GALNT18: variants seen among roughly 807,000 people sequenced by gnomAD.
GALNT18 encodes the protein polypeptide N-acetylgalactosaminyltransferase 18.
GALNT18 carries 44 observed loss-of-function variants against 69.5 expected under a neutral mutation model. The observed-to-expected ratio is 0.63, with a 90% confidence interval of 0.50 to 0.81. The LOEUF (loss-of-function observed/expected upper bound fraction) is 0.81, where lower values mean the gene tolerates loss of function less well. Among genes scored for constraint, GALNT18 ranks in the 40% least tolerant of loss-of-function variants. GALNT18 has a pLI of 0.00. For missense variants in GALNT18, 715 were observed against 810.0 expected (o/e 0.88, Z 1.42); for synonymous variants, 364 against 318.2 (o/e 1.14, Z -1.53).
At chr11:11,336,880 G>A (rs1050367556) in intron 7 of GALNT18, among the ~76,000 whole-genome samples, 1 of 152,142 alleles carries the variant, frequency 6.6e-6, no homozygotes, top group Non-Finnish European at 1.5e-5. Context: ...ACAAGTGTGA[G>A]GCACGGAAAG....
chr11:11,521,111 G>C (rs1449036591), intron 1 of GALNT18, among the ~76,000 whole-genome samples: 1 of 151,492 alleles, frequency 6.6e-6, no homozygotes, highest in South Asian at 2.1e-4. Flanking sequence ...GAAAGCTTTA[G>C]GAATCTCGTA....
chr11:11,364,190 T>C (rs1470612754), intron 6 of GALNT18, among the ~76,000 whole-genome samples: 1 of 152,182 alleles, frequency 6.6e-6, no homozygotes, highest in Non-Finnish European at 1.5e-5. Context: ...ATTGTAAATG[T>C]CTCTACAAGA....
At chr11:11,531,707 A>T (rs551275435) in intron 1 of GALNT18, among the ~76,000 whole-genome samples, 1 of 152,268 alleles carries the variant, frequency 6.6e-6, no homozygotes, top group Non-Finnish European at 1.5e-5. Flanking sequence ...TACCCTGGTA[A>T]CACTATTTCT....
intron 9 of GALNT18, among the ~76,000 whole-genome samples, chr11:11,298,277 A>G (rs1205508162): frequency 6.6e-6 from 1 of 152,228 alleles, no homozygotes; most frequent in Non-Finnish European, 1.5e-5. Context: ...AAACACACAT[A>G]GTTTTGTGCG....
At chr11:11,594,164 T>C (rs1254127357) in intron 1 of GALNT18, among the ~76,000 whole-genome samples, 1 of 152,366 alleles carries the variant, frequency 6.6e-6, no homozygotes, top group Non-Finnish European at 1.5e-5. Flanking sequence ...CCACAGTTCA[T>C]TGGTATCTGT....
chr11:11,471,864 G>C (rs1188240451), intron 1 of GALNT18, among the ~76,000 whole-genome samples: 3 of 152,182 alleles, frequency 2.0e-5, no homozygotes, highest in Non-Finnish European at 2.9e-5. Flanking sequence ...ATGTCTGTTT[G>C]ACAAATCAAA....
At position 11,327,104 on chromosome 11, in the gene GALNT18, G is replaced by A. The variant is rs1178218904; in HGVS notation, c.1494C>T (p.Cys498=). 4 of 1,613,154 alleles carry A rather than the reference G, an allele frequency of 2.5e-6. No individual in the cohort carries two copies. Among genetic ancestry groups the A allele is most frequent in the Non-Finnish European group, 3.4e-6 (4 of 1,179,152 alleles). ...GACTCACCTGAGGCGTCATCCCATGGCAGATGTACATGATGGGGACATTCT... is the reference window on the plus strand; with the variant it reads ...GACTCACCTGAGGCGTCATCCCATGACAGATGTACATGATGGGGACATTCT... The part of the protein sequence containing the change: ...DTENVPIMYI[C]HGMTPQNVYY... The change falls in exon 9 of 11, where the codon TGC becomes TGT. Residue 498 remains cysteine (C), a synonymous_variant. Coordinates refer to ENST00000227756, the MANE Select transcript of GALNT18 (RefSeq NM_198516.3).
At chr11:11,525,845 G>A (rs1857510043) in intron 1 of GALNT18, among the ~76,000 whole-genome samples, 1 of 151,932 alleles carries the variant, frequency 6.6e-6, no homozygotes, top group Admixed American at 6.6e-5. Flanking sequence ...TGTTGGTCAG[G>A]CTGGTCTCGA....
chr11:11,311,347 G>A (rs1849671554), intron 9 of GALNT18, among the ~76,000 whole-genome samples: 1 of 152,126 alleles, frequency 6.6e-6, no homozygotes, highest in South Asian at 2.1e-4. Flanking sequence ...CATGCCATTA[G>A]GGAGATGGAA....
In GALNT18 at chr11:11,516,850, C is replaced by T. The variant is rs143256108; in HGVS notation, c.236-67914G>A. Among the ~76,000 whole-genome samples, 152 of 152,266 alleles carry T rather than the reference C, an allele frequency of 1.0e-3. 2 individuals carry two copies. Among genetic ancestry groups the T allele is most frequent in the Admixed American group, 8.0e-3 (123 of 15,304 alleles). On this transcript the variant is annotated intron_variant, in intron 1 of 10. Transcript: ENST00000227756. ...AAAGCTAAGGGGTAAATCATGGCCACGGCTGACGCTAGCTGACTGAGCTGC... is the reference window on the plus strand; with the variant it reads ...AAAGCTAAGGGGTAAATCATGGCCATGGCTGACGCTAGCTGACTGAGCTGC...
rs1052862034 is a variant in GALNT18 at position 11,413,317 on chromosome 11, G to A, written c.595+19304C>T. ...TGCACTGAGTGGCCCTGGAGGGGAA[G>A]CAATAGTCTGGCCAAACATCCCTCT... On this transcript the variant is annotated intron_variant, in intron 3 of 10. Transcript: ENST00000227756. This position sits in a 1 kb window ranked among gnomAD's most constrained non-coding sequence, Gnocchi z 4.7. Among the ~76,000 whole-genome samples, 1 of 152,172 alleles carries A rather than the reference G, an allele frequency of 6.6e-6. No individual in the cohort carries two copies. The highest frequency in any genetic ancestry group is 2.1e-4 in the South Asian group (1 of 4,816).
intron 1 of GALNT18, among the ~76,000 whole-genome samples, chr11:11,570,401 C>T: frequency 6.6e-6 from 1 of 152,238 alleles, no homozygotes; most frequent in East Asian, 1.9e-4. Context: ...CACCAGCCCT[C>T]ACATGATCTA....
rs1850128962 is a variant in GALNT18, at chr11:11,337,187, CA to C, written c.1278+3631del. On this transcript the variant is annotated intron_variant, in intron 7 of 10. Transcript: ENST00000227756. This position sits in a 1 kb window ranked among gnomAD's most constrained non-coding sequence, Gnocchi z 4.9. ...AAAAGTTCTTCAAGCGATTCTGATGCAGTTGGTCTGAAGATCTGCTTTTAGG... is the reference window on the plus strand; with the variant it reads ...AAAAGTTCTTCAAGCGATTCTGATGCGTTGGTCTGAAGATCTGCTTTTAGG... 2.0e-5 allele frequency among the ~76,000 whole-genome samples: 3 copies of C among 152,144 alleles called. No homozygotes were observed. The South Asian group carries it at 6.2e-4, about 32-fold the overall frequency.
intron 1 of GALNT18, among the ~76,000 whole-genome samples, chr11:11,611,918 C>T (rs1416247918): frequency 6.6e-6 from 1 of 152,232 alleles, no homozygotes; most frequent in Non-Finnish European, 1.5e-5. Context: ...ACCCTACCCT[C>T]CAGGTTCCTT....
At chr11:11,478,857 G>A (rs35633896) in intron 1 of GALNT18, among the ~76,000 whole-genome samples, 1,829 of 152,104 alleles carry the variant, frequency 0.012, 24 homozygotes, top group South Asian at 0.031. Context: ...AGATGGGGGC[G>A]GGGGAGGGGA....
intron 1 of GALNT18, among the ~76,000 whole-genome samples, chr11:11,527,893 C>T (rs1486210515): frequency 1.3e-5 from 2 of 152,226 alleles, no homozygotes; most frequent in African/African-American, 2.4e-5. Context: ...CCTGCCACTG[C>T]CCAAACCACC....
chr11:11,410,057 C>T (rs1268604547), intron 3 of GALNT18, among the ~76,000 whole-genome samples: 3 of 152,216 alleles, frequency 2.0e-5, no homozygotes, highest in Non-Finnish European at 4.4e-5. Context: ...CCTTCTTTGT[C>T]TCTCTGGACG....
At chr11:11,475,103 G>A (rs1265736717) in intron 1 of GALNT18, 1 of 152,186 alleles carries the variant, frequency 6.6e-6, no homozygotes, top group East Asian at 1.9e-4. Context: ...TGAATACCAT[G>A]TAAATTTCAG....
intron 6 of GALNT18, among the ~76,000 whole-genome samples, chr11:11,348,050 C>T (rs1386493832): frequency 6.7e-6 from 1 of 149,744 alleles, no homozygotes; most frequent in Non-Finnish European, 1.5e-5. Flanking sequence ...ATTTCACTCA[C>T]CTCATTCTAT....
Sources: allele counts gnomAD v4.1 joint callset (sites outside exome capture counted in the v4.1 genomes callset), GRCh38; gene constraint gnomAD v4.1.1; non-coding constraint Gnocchi (gnomAD v3.1); transcripts MANE v1.5; gene names NCBI Gene and HGNC (gene_info 2026-07-23, HGNC 2026-07-21).